Variants in ATP2B2 observed in about 807,000 individuals in gnomAD.
The protein encoded by ATP2B2 is plasma membrane calcium-transporting ATPase 2.
In ATP2B2, 15 loss-of-function variants were observed where a neutral mutation model predicts 120.0. That is an observed-to-expected ratio of 0.12 (90% CI 0.08 to 0.19). The LOEUF (loss-of-function observed/expected upper bound fraction) is 0.19, where lower values mean the gene tolerates loss of function less well. Among genes scored for constraint, ATP2B2 ranks in the 10% least tolerant of loss-of-function variants. The pLI is 1.00. For synonymous variants in ATP2B2, 694 were observed against 700.3 expected (o/e 0.99, Z 0.14); for missense variants, 1,045 against 1,719.8 (o/e 0.61, Z 6.94).
intron 14 of ATP2B2, among the ~76,000 whole-genome samples, chr3:10,352,117 G>A (rs1302965233): frequency 6.6e-6 from 1 of 152,208 alleles, no homozygotes; most frequent in African/African-American, 2.4e-5. Flanking sequence ...ACAAGGAATC[G>A]GCCTTGACTA....
At chr3:10,378,945 A>C (rs993912984) in intron 9 of ATP2B2, among the ~76,000 whole-genome samples, 5 of 152,332 alleles carry the variant, frequency 3.3e-5, no homozygotes, top group African/African-American at 1.2e-4. Flanking sequence ...ACAGAGACTG[A>C]GCCAAACTCC....
chr3:10,506,335 T>C (rs1379826473), upstream of ATP2B2, among the ~76,000 whole-genome samples: 2 of 152,046 alleles, frequency 1.3e-5, no homozygotes, highest in African/African-American at 4.8e-5. Flanking sequence ...CTCAAGAAGG[T>C]GCCCACCAGC....
At chr3:10,604,191 C>T (rs2068999612) in intron 2 of ATP2B2, among the ~76,000 whole-genome samples, 1 of 152,100 alleles carries the variant, frequency 6.6e-6, no homozygotes, top group African/African-American at 2.4e-5. Flanking sequence ...ATAAATTTGA[C>T]CCTTCTAGGA....
chr3:10,704,845 C>T (rs1397094344), intron 1 of ATP2B2, among the ~76,000 whole-genome samples: 1 of 152,074 alleles, frequency 6.6e-6, no homozygotes, highest in South Asian at 2.1e-4. Flanking sequence ...AGGGGAGATA[C>T]AAAGAAGATG....
chr3:10,449,213 A>G, intron 2 of ATP2B2, 132 bp downstream of exon 2: 1 of 1,041,494 alleles, frequency 9.6e-7, no homozygotes, highest in Non-Finnish European at 1.4e-6. Context: ...AATGCACTAC[A>G]ATGGCCATTC....
chr3:10,655,729 C>T (rs2070606241), intron 1 of ATP2B2, among the ~76,000 whole-genome samples: 3 of 152,198 alleles, frequency 2.0e-5, no homozygotes, highest in Non-Finnish European at 1.5e-5. Context: ...GTGATTCTTT[C>T]TCTCTATTTC....
chr3:10,357,643 A>T (rs1359393782), intron 14 of ATP2B2, among the ~76,000 whole-genome samples: 2 of 152,048 alleles, frequency 1.3e-5, no homozygotes, highest in Non-Finnish European at 2.9e-5. Context: ...ATCAGCACCA[A>T]ATCTTACAGC....
At chr3:10,537,950 G>T (rs908861976) in intron 2 of ATP2B2, among the ~76,000 whole-genome samples, 2 of 152,144 alleles carry the variant, frequency 1.3e-5, no homozygotes, top group Non-Finnish European at 2.9e-5. Flanking sequence ...ATATTAACTG[G>T]TATTTAAATG....
At chr3:10,514,015 T>C (rs1044154071) in intron 3 of ATP2B2, among the ~76,000 whole-genome samples, 11 of 152,180 alleles carry the variant, frequency 7.2e-5, no homozygotes, top group African/African-American at 2.2e-4. Flanking sequence ...GTTCTGTTTG[T>C]TCTTAGAACT....
At position 10,486,382 on chromosome 3, in the gene ATP2B2, C is replaced by T. The variant is rs148969195; in HGVS notation, c.-320+19083G>A. On this transcript the variant is annotated intron_variant, in intron 1 of 22. Transcript: ENST00000360273. ...GTGTCTCAGCCCTGCATAAGATGCT[C>T]CTATGTCAGGATCAGCCCCAAATTC... 8.2e-4 allele frequency among the ~76,000 whole-genome samples: 124 copies of T among 150,862 alleles called. 1 individual carries two copies. The highest frequency in any genetic ancestry group is 2.7e-3 in the African/African-American group (110 of 41,012).
intron 8 of ATP2B2, among the ~76,000 whole-genome samples, chr3:10,380,582 T>A (rs1200563103): frequency 1.3e-5 from 2 of 152,158 alleles, no homozygotes; most frequent in Non-Finnish European, 2.9e-5. Context: ...TGGGTCTCAA[T>A]GGGTAAATGG....
At chr3:10,358,018 G>GGGTGTACT (rs2060790073) in intron 14 of ATP2B2, among the ~76,000 whole-genome samples, 1 of 152,232 alleles carries the variant, frequency 6.6e-6, no homozygotes, top group Non-Finnish European at 1.5e-5. Flanking sequence ...CACCCCACTA[G>GGGTGTACT]GTGTACTGAT....
chr3:10,537,130 A>G (rs1197163324), intron 2 of ATP2B2, among the ~76,000 whole-genome samples: 2 of 152,194 alleles, frequency 1.3e-5, no homozygotes, highest in African/African-American at 4.8e-5. Flanking sequence ...TACTACTGTC[A>G]TGATTTCTAT....
chr3:10,649,102 C>T (rs1016655809), intron 1 of ATP2B2, among the ~76,000 whole-genome samples: 7 of 152,154 alleles, frequency 4.6e-5, no homozygotes, highest in Non-Finnish European at 7.3e-5. Context: ...TTTATAGAGA[C>T]GGGGTCTTCC....
intron 8 of ATP2B2, among the ~76,000 whole-genome samples, chr3:10,383,909 C>T (rs532406225): frequency 1.3e-5 from 2 of 152,180 alleles, no homozygotes; most frequent in Non-Finnish European, 2.9e-5. Flanking sequence ...GCTCAGCAGG[C>T]TCACTGCCGG....
chr3:10,334,578 A>T (rs2125340382), intron 22 of ATP2B2, among the ~76,000 whole-genome samples: 1 of 152,174 alleles, frequency 6.6e-6, no homozygotes, highest in Middle Eastern at 3.4e-3. Flanking sequence ...AATGTGACTC[A>T]GCCACCATCT....
In ATP2B2 at chr3:10,347,870, C is replaced by G. The variant is rs2060473093; in HGVS notation, c.2405-1733G>C. Among the ~76,000 whole-genome samples the G allele has an allele frequency of 6.6e-6, 1 of 152,184 alleles. No homozygotes were observed. The highest frequency in any genetic ancestry group is 1.5e-5 in the Non-Finnish European group (1 of 68,024). On this transcript the variant is annotated intron_variant, in intron 16 of 22. Transcript: ENST00000360273. This position sits in a 1 kb window ranked among gnomAD's most constrained non-coding sequence, Gnocchi z 5.2. ...CCAGGGGCCTCCCTGTGGCTGCTTC[C>G]TATGGTCACATTTCTGTTCTGTCCC...
intron 1 of ATP2B2, among the ~76,000 whole-genome samples, chr3:10,691,923 C>T (rs889953618): frequency 2.0e-5 from 3 of 152,182 alleles, no homozygotes; most frequent in African/African-American, 7.2e-5. Context: ...TATCTTGCTT[C>T]GTCTTCCAAT....
chr3:10,500,229 C>A (rs1342441729), intron 1 of ATP2B2, among the ~76,000 whole-genome samples: 1 of 152,064 alleles, frequency 6.6e-6, no homozygotes, highest in African/African-American at 2.4e-5. Flanking sequence ...TGAGCCACTG[C>A]GCCTGGCCTG....
Sources: allele counts gnomAD v4.1 joint callset (sites outside exome capture counted in the v4.1 genomes callset), GRCh38; gene constraint gnomAD v4.1.1; non-coding constraint Gnocchi (gnomAD v3.1); transcripts MANE v1.5; gene names NCBI Gene and HGNC (gene_info 2026-07-23, HGNC 2026-07-21).